Variants in SMURF1 observed in about 807,000 individuals in gnomAD.
The protein encoded by SMURF1 is SMAD specific E3 ubiquitin protein ligase 1, also known as E3 ubiquitin-protein ligase SMURF1.
A neutral mutation model predicts 98.0 loss-of-function variants in SMURF1; 44 were observed. The ratio of observed to expected loss-of-function variants is 0.45; its 90% CI spans 0.35 to 0.58. The LOEUF is 0.58. SMURF1 is among the 20% of genes least tolerant of loss of function. The probability of loss-of-function intolerance (pLI) is 0.00; values close to 1 mark genes in which losing one functional copy is unlikely to be tolerated. For synonymous variants in SMURF1, 396 were observed against 374.9 expected (o/e 1.06, Z -0.65); for missense variants, 687 against 938.4 (o/e 0.73, Z 3.50).
At chr7:99,045,588 T>G in intron 11 of SMURF1, 110 bp downstream of exon 11, 1 of 848,238 alleles carries the variant, frequency 1.2e-6, no homozygotes, top group Non-Finnish European at 1.9e-6. Context: ...CAAGGAGACA[T>G]CAGCCCTGCC....
At chr7:99,135,087 TATA>T (rs1314987132) in intron 1 of SMURF1, among the ~76,000 whole-genome samples, 3 of 152,244 alleles carry the variant, frequency 2.0e-5, no homozygotes, top group Non-Finnish European at 4.4e-5. Flanking sequence ...TTTGAAATGC[TATA>T]ATATTTTAGC....
At position 99,061,816 on chromosome 7, in the gene SMURF1, G is replaced by T. The variant is rs967499719; in HGVS notation, c.77C>A (p.Ala26Glu). ...TTACTTACTGAAGAAGTCTTTCTTT[G>T]CAAGGTTCTTGGCACATAACACTAA... Reference protein sequence around the residue: ...RLTVLCAKNLAKKDFFRLPDP... With the variant: ...RLTVLCAKNLEKKDFFRLPDP... The change falls in exon 2 of 18, where the codon GCA becomes GAA. Residue 26 changes from alanine (A) to glutamate (E), a missense_variant. This residue lies in a region of SMURF1 where 415 missense variants were observed against 508.4 expected (regional missense o/e 0.82). Transcript: ENST00000361368. 1.2e-6 allele frequency: 2 copies of T among 1,604,844 alleles called. No homozygotes were observed. Among genetic ancestry groups the T allele is most frequent in the Non-Finnish European group, 1.7e-6 (2 of 1,176,090 alleles).
rs189266871 is a variant in SMURF1 at position 99,045,656 on chromosome 7, G to C, written c.1256+42C>G. 5.6e-5 allele frequency: 85 copies of C among 1,514,676 alleles called. No homozygotes were observed. In the East Asian group the frequency reaches 1.8e-3, roughly 33 times the overall value. The allele number at this position is 1,514,676 out of a possible 1,614,324, so 93.8% of individuals were successfully genotyped here. ...GCAAATGACTTCTCTTGAAAAGACTGAGATCCACACAGCAGAGAAGGTGAA... is the reference window on the plus strand; with the variant it reads ...GCAAATGACTTCTCTTGAAAAGACTCAGATCCACACAGCAGAGAAGGTGAA... On this transcript the variant is annotated intron_variant, in intron 11 of 17. Coordinates refer to ENST00000361368, the MANE Select transcript of SMURF1 (RefSeq NM_181349.3).
At chr7:99,082,622 T>C (rs1796597218) in intron 1 of SMURF1, among the ~76,000 whole-genome samples, 1 of 152,260 alleles carries the variant, frequency 6.6e-6, no homozygotes, top group Non-Finnish European at 1.5e-5. Context: ...TTTAGCTTTG[T>C]AGTAAGTTTT....
chr7:99,101,753 A>G (rs1157659520), intron 1 of SMURF1, among the ~76,000 whole-genome samples: 1 of 152,172 alleles, frequency 6.6e-6, no homozygotes, highest in African/African-American at 2.4e-5. Flanking sequence ...CAGCCTGGCC[A>G]CTGTAGTGAA....
intron 1 of SMURF1, among the ~76,000 whole-genome samples, chr7:99,096,277 A>T (rs143120818): frequency 3.3e-5 from 5 of 152,334 alleles, no homozygotes; most frequent in African/African-American, 1.2e-4. Context: ...TTGAAACCAC[A>T]ACCCGCAAAA....
intron 1 of SMURF1, among the ~76,000 whole-genome samples, chr7:99,092,724 G>A (rs1055865182): frequency 5.3e-5 from 8 of 152,148 alleles, no homozygotes; most frequent in South Asian, 2.1e-4. Context: ...GTTCAGGCAC[G>A]AGTGGCAGTG....
chr7:99,060,316 T>G (rs1795999033), intron 3 of SMURF1, among the ~76,000 whole-genome samples: 1 of 148,890 alleles, frequency 6.7e-6, no homozygotes, highest in Non-Finnish European at 1.5e-5. Context: ...GAGGCGGAGG[T>G]TGCAGTGAGC....
At chr7:99,060,378 CAAAAAAAAAAAAAA>C (rs11340949) in intron 3 of SMURF1, among the ~76,000 whole-genome samples, 4 of 92,502 alleles carry the variant, frequency 4.3e-5, no homozygotes, top group African/African-American at 2.0e-4. Context: ...GACTCCGTCT[CAAAAAAAAAAAAAA>C]AAAAAGAAAA....
chr7:99,104,733 G>A (rs1797158590), intron 1 of SMURF1, among the ~76,000 whole-genome samples: 1 of 152,188 alleles, frequency 6.6e-6, no homozygotes, highest in African/African-American at 2.4e-5. Context: ...CATTTAAACT[G>A]CTTCCAATTT....
chr7:99,127,532 A>T (rs1797773578), intron 1 of SMURF1, among the ~76,000 whole-genome samples: 1 of 152,186 alleles, frequency 6.6e-6, no homozygotes, highest in African/African-American at 2.4e-5. Context: ...TCTCTAAAAA[A>T]AATTTAAAAT....
chr7:99,061,055 T>C (rs1271078079), intron 2 of SMURF1, among the ~76,000 whole-genome samples: 4 of 152,212 alleles, frequency 2.6e-5, no homozygotes, highest in Admixed American at 2.6e-4. Context: ...TGGAAGCAAG[T>C]ATTCACCAGG....
At chr7:99,041,817 T>C (rs1795397066) in intron 12 of SMURF1, among the ~76,000 whole-genome samples, 1 of 152,236 alleles carries the variant, frequency 6.6e-6, no homozygotes, top group African/African-American at 2.4e-5. Context: ...AATGACACCA[T>C]TAACACATAC....
At chr7:99,059,396 T>A (rs1477297602) in intron 3 of SMURF1, among the ~76,000 whole-genome samples, 11 of 83,676 alleles carry the variant, frequency 1.3e-4, no homozygotes, top group African/African-American at 4.1e-4. Context: ...AGACTCCATC[T>A]CAAAAAAAAA....
At position 99,030,797 on chromosome 7, in the gene SMURF1, G is replaced by A. The variant is rs150158203; in HGVS notation, c.2097-114C>T. On this transcript the variant is annotated intron_variant, in intron 17 of 17. Transcript: ENST00000361368. ...TGGGAGGGGAGAGGAATGGGGGGTG[G>A]GGCAGGGTTGGTGATGAGTTCTCCA... 3,469 of 676,766 alleles carry A rather than the reference G, an allele frequency of 5.1e-3. 24 individuals are homozygous for A. The highest frequency in any genetic ancestry group is 6.6e-3 in the Non-Finnish European group (2,603 of 392,908). 41.9% of individuals were successfully genotyped at this position (676,766 alleles called of 1,614,324 possible). A position where few individuals can be genotyped will look rare whatever the true frequency, so the allele number is the denominator to read the frequency against.
chr7:99,054,817 TCCA>T lies in SMURF1; in HGVS notation c.449_451del (p.Val150del), dbSNP rs1178966205. The T allele has an allele frequency of 2.5e-6, 4 of 1,614,040 alleles. No individual in the cohort carries two copies. The highest frequency in any genetic ancestry group is 2.2e-5 in the South Asian group (2 of 91,064). On this transcript the variant is annotated inframe_deletion, in exon 6 of 18. Coordinates refer to ENST00000361368, the MANE Select transcript of SMURF1 (RefSeq NM_181349.3). ...TTCATTTTCTAACAGTCCTCTGCAG[TCCA>T]CCACCGAGCCGCCGGTTCCTATTCT...
At chr7:99,053,716 G>A (rs985378565) in intron 6 of SMURF1, among the ~76,000 whole-genome samples, 2 of 152,118 alleles carry the variant, frequency 1.3e-5, no homozygotes, top group Non-Finnish European at 2.9e-5. Flanking sequence ...CAAGAGGTGT[G>A]TTAATGTTGG....
At chr7:99,048,458 G>A (rs548955520) in intron 9 of SMURF1, 43 of 156,254 alleles carry the variant, frequency 2.8e-4, no homozygotes, top group Admixed American at 8.0e-4. Context: ...AAATAAAAAT[G>A]GAAATGGCTG....
chr7:99,042,909 A>G (rs1314364255), intron 11 of SMURF1, among the ~76,000 whole-genome samples: 1 of 152,248 alleles, frequency 6.6e-6, no homozygotes, highest in Non-Finnish European at 1.5e-5. Context: ...GTCCAAGAAA[A>G]TCGTGAGAAT....
Sources: allele counts gnomAD v4.1 joint callset (sites outside exome capture counted in the v4.1 genomes callset), GRCh38; gene constraint gnomAD v4.1.1; regional missense constraint gnomAD v4.1.1; transcripts MANE v1.5; gene names NCBI Gene and HGNC (gene_info 2026-07-23, HGNC 2026-07-21).